The following ABHD3 variants were observed in gnomAD, a reference collection of about 807,000 sequenced individuals.
ABHD3 encodes the protein abhydrolase domain containing 3, phospholipase.
ABHD3 carries 46 observed loss-of-function variants against 48.8 expected under a neutral mutation model. The ratio of observed to expected loss-of-function variants is 0.94; its 90% CI spans 0.74 to 1.20. The LOEUF is 1.20. ABHD3 is among the 50% of genes most tolerant of loss of function. The pLI is 0.00. For synonymous variants in ABHD3, 192 were observed against 183.7 expected, an observed-to-expected ratio of 1.04 and a Z score of -0.36; for missense variants, 490 against 497.8, an observed-to-expected ratio of 0.98 and a Z score of 0.15.
chr18:21,653,187 C>A (rs2039267777), intron 8 of ABHD3, among the ~76,000 whole-genome samples: 1 of 136,142 alleles, frequency 7.3e-6, no homozygotes, highest in African/African-American at 2.7e-5. Context: ...CATGGTGAAA[C>A]CCCATCTCTA....
At chr18:21,702,026 G>A (rs1030136912) in intron 3 of ABHD3, 8 of 228,330 alleles carry the variant, frequency 3.5e-5, no homozygotes, top group Non-Finnish European at 7.0e-5. Flanking sequence ...CCATTGGGGT[G>A]GGGATGGGGG....
At chr18:21,678,958 A>G (rs923860989) in intron 4 of ABHD3, among the ~76,000 whole-genome samples, 1 of 152,220 alleles carries the variant, frequency 6.6e-6, no homozygotes, top group Non-Finnish European at 1.5e-5. Context: ...TCTCCTTTGT[A>G]GGAGCCATAG....
intron 3 of ABHD3, 93 bp from the exon 4 acceptor site, chr18:21,684,058 C>T: frequency 2.7e-6 from 3 of 1,126,826 alleles, no homozygotes; most frequent in South Asian, 1.7e-5. Flanking sequence ...TGATTTAGAG[C>T]ACTAAAAGAT....
chr18:21,651,850 C>T lies in ABHD3; in HGVS notation c.1058-87G>A, dbSNP rs1016040971. 3.4e-5 allele frequency: 41 copies of T among 1,201,328 alleles called. No homozygotes were observed. The Admixed American group carries it at 9.2e-4, about 27-fold the overall frequency. 74.4% of individuals were successfully genotyped at this position (1,201,328 alleles called of 1,614,324 possible). A position where few individuals can be genotyped will look rare whatever the true frequency, so the allele number is the denominator to read the frequency against. The stretch of plus-strand genomic sequence containing the variant: ...ATGTTTTTGTCAGGAAAAGCATATA[C>T]CTTTATCATGTCTAATAAACAGAAA... On this transcript the variant is annotated intron_variant, in intron 8 of 8. Transcript: ENST00000289119.
At position 21,662,976 on chromosome 18, in the gene ABHD3, G is replaced by A. The variant is rs541107790; in HGVS notation, c.668+1142C>T. On this transcript the variant is annotated intron_variant, in intron 5 of 8. Transcript: ENST00000289119. Reference sequence around the variant, plus strand: ...ACATTATGGGGGAAAGGAAAGTGACGCTAAACTCCGTCCATTAAGCACAAT... The same window carrying A: ...ACATTATGGGGGAAAGGAAAGTGACACTAAACTCCGTCCATTAAGCACAAT... Among the ~76,000 whole-genome samples, 10 of 152,296 alleles carry A rather than the reference G, an allele frequency of 6.6e-5. No individual in the cohort carries two copies. The South Asian group carries it at 1.0e-3, about 16-fold the overall frequency.
At chr18:21,667,511 G>C (rs1185997239) in intron 4 of ABHD3, among the ~76,000 whole-genome samples, 2 of 152,038 alleles carry the variant, frequency 1.3e-5, no homozygotes, top group African/African-American at 4.8e-5. Flanking sequence ...AAAGTGCTGG[G>C]ATTACAGGCG....
chr18:21,651,843 G>A (rs2039229989), intron 8 of ABHD3, 80 bp from the exon 9 acceptor site: 8 of 1,266,090 alleles, frequency 6.3e-6, no homozygotes, highest in Admixed American at 2.7e-5. Context: ...GTCAGGAAAA[G>A]CATATACCTT....
intron 4 of ABHD3, among the ~76,000 whole-genome samples, chr18:21,674,817 T>C (rs182736360): frequency 4.6e-5 from 7 of 152,204 alleles, no homozygotes; most frequent in Admixed American, 4.6e-4. Flanking sequence ...AACTGAATTG[T>C]GCCTTGGCTG....
rs779181852 is a variant in ABHD3 at position 21,704,697 on chromosome 18, C to T, written c.-32G>A. The stretch of plus-strand genomic sequence containing the variant: ...CGAGCGCGGCGCGCGGGTCCTGCGG[C>T]GGGAGGAGAGCCGGCTGGCGAGCGG... On this transcript the variant is annotated 5_prime_UTR_variant, in exon 1 of 9. Coordinates refer to ENST00000289119, the MANE Select transcript of ABHD3 (RefSeq NM_138340.5). 2.2e-6 allele frequency: 3 copies of T among 1,390,730 alleles called. No individual in the cohort carries two copies. The highest frequency in any genetic ancestry group is 3.1e-5 in the East Asian group (1 of 32,420). 86.1% of individuals were successfully genotyped at this position (1,390,730 alleles called of 1,614,324 possible). A position where few individuals can be genotyped will look rare whatever the true frequency, so the allele number is the denominator to read the frequency against.
chr18:21,659,791 C>A (rs2039444364), intron 5 of ABHD3, among the ~76,000 whole-genome samples: 1 of 152,022 alleles, frequency 6.6e-6, no homozygotes, highest in African/African-American at 2.4e-5. Flanking sequence ...GCCTCAGCCT[C>A]CCGCGTAGCT....
intron 3 of ABHD3, among the ~76,000 whole-genome samples, chr18:21,699,249 A>G (rs1452039923): frequency 6.6e-6 from 1 of 152,174 alleles, no homozygotes; most frequent in African/African-American, 2.4e-5. Context: ...TGTGAAGTAG[A>G]TGAGAACGCT....
chr18:21,651,400 C>A lies in ABHD3; in HGVS notation c.*191G>T, dbSNP rs1478324311. 5.7e-6 allele frequency: 3 copies of A among 527,432 alleles called. No homozygotes were observed. The highest frequency in any genetic ancestry group is 9.6e-6 in the Non-Finnish European group (3 of 311,478). The allele number at this position is 527,432 out of a possible 1,614,324, so 32.7% of individuals were successfully genotyped here. A position where few individuals can be genotyped will look rare whatever the true frequency, so the allele number is the denominator to read the frequency against. The stretch of plus-strand genomic sequence containing the variant: ...AAATAAAATCTACGTAAGTAACAAT[C>A]TAATACTATATTTAATTTGTTGCTA... On this transcript the variant is annotated 3_prime_UTR_variant, in exon 9 of 9. Coordinates refer to ENST00000289119, the MANE Select transcript of ABHD3 (RefSeq NM_138340.5).
chr18:21,704,609 C>CA lies in ABHD3; in HGVS notation c.56dup (p.Glu20GlyfsTer44), dbSNP rs1444384167. ...AGAACCCCACCCGGACTTGGTGTTC[C>CA]AGGTAGAGGGAGAGCTCCCGGGACA... On this transcript the variant is annotated frameshift_variant, in exon 1 of 9. Transcript: ENST00000289119. LOFTEE classifies it high-confidence loss of function. The CA allele has an allele frequency of 6.4e-7, 1 of 1,554,808 alleles. No individual in the cohort carries two copies. The highest frequency in any genetic ancestry group is 1.4e-5 in the African/African-American group (1 of 70,154).
Position 21,651,782 on chromosome 18 carries a change from A to G in ABHD3, c.1058-19T>C, listed in dbSNP as rs2039228496. 3 of 1,505,586 alleles carry G rather than the reference A, an allele frequency of 2.0e-6. No individual in the cohort carries two copies. Among genetic ancestry groups the G allele is most frequent in the African/African-American group, 2.8e-5 (2 of 70,640 alleles). 93.3% of individuals were successfully genotyped at this position (1,505,586 alleles called of 1,614,324 possible). Reference sequence around the variant, plus strand: ...GGAATAGCTTCAGACCAAAAAAAACATGGCAATAAGAGAGAAGAAGGAGAG... The same window carrying G: ...GGAATAGCTTCAGACCAAAAAAAACGTGGCAATAAGAGAGAAGAAGGAGAG... On this transcript the variant is annotated intron_variant, in intron 8 of 8. Transcript: ENST00000289119.
intron 5 of ABHD3, chr18:21,663,640 T>C (rs138880627): frequency 2.9e-5 from 44 of 1,530,092 alleles, no homozygotes; most frequent in Non-Finnish European, 3.8e-5. Flanking sequence ...AGTAGTTCCA[T>C]TTGCCCAGCA....
At chr18:21,657,302 G>GA (rs1314841797) in intron 6 of ABHD3, 150 bp from the exon 7 acceptor site, 1 of 603,202 alleles carries the variant, frequency 1.7e-6, no homozygotes, top group Non-Finnish European at 2.8e-6. Flanking sequence ...GGCAGGATTA[G>GA]AATAATAATG....
intron 6 of ABHD3, 93 bp downstream of exon 6, chr18:21,659,077 G>A: frequency 7.7e-7 from 1 of 1,304,000 alleles, no homozygotes; most frequent in Non-Finnish European, 1.0e-6. Context: ...CTGACCTCGT[G>A]ATCCCCCCGC....
At chr18:21,704,479 C>T (rs761868910) in intron 1 of ABHD3, 25 bp downstream of exon 1, 56 of 1,361,852 alleles carry the variant, frequency 4.1e-5, no homozygotes, top group Non-Finnish European at 4.3e-5. Flanking sequence ...CAGCAGCCCG[C>T]GGCCCTGCGC....
intron 5 of ABHD3, chr18:21,662,347 T>TCTGC (rs2039521087): frequency 6.6e-6 from 1 of 152,282 alleles, no homozygotes; most frequent in Non-Finnish European, 1.5e-5. Context: ...CCTCAGGTTG[T>TCTGC]CTGCCTGCCT....
Sources: allele counts gnomAD v4.1 joint callset (sites outside exome capture counted in the v4.1 genomes callset), GRCh38; gene constraint gnomAD v4.1.1; transcripts MANE v1.5; gene names NCBI Gene and HGNC (gene_info 2026-07-23, HGNC 2026-07-21).